Variants in TMEM229B observed in about 807,000 individuals in gnomAD.
TMEM229B encodes the protein transmembrane protein 229B.
A neutral mutation model predicts 13.7 loss-of-function variants in TMEM229B; 6 were observed. The observed-to-expected ratio is 0.44, with a 90% CI of 0.24 to 0.86. The LOEUF is 0.86. Among genes scored for constraint, TMEM229B ranks in the 40% least tolerant of loss-of-function variants. The probability of loss-of-function intolerance (pLI) is 0.23; values close to 1 mark genes in which losing one functional copy is unlikely to be tolerated. For missense variants in TMEM229B, 170 were observed against 236.0 expected (o/e 0.72, Z 1.83); for synonymous variants, 107 against 102.1 (o/e 1.05, Z -0.29).
chr14:67,519,550 C>G (rs970524977), upstream of TMEM229B, among the ~76,000 whole-genome samples: 5 of 152,094 alleles, frequency 3.3e-5, no homozygotes, highest in Non-Finnish European at 4.4e-5. Flanking sequence ...GGTGTAAGCC[C>G]TACTAGGTAC....
intron 1 of TMEM229B, among the ~76,000 whole-genome samples, chr14:67,526,048 A>G (rs1190949257): frequency 6.6e-6 from 1 of 152,108 alleles, no homozygotes; most frequent in Non-Finnish European, 1.5e-5. Flanking sequence ...TATATATGAG[A>G]CCTGTCTGTC....
At chr14:67,478,904 GGTAAGAGAAA>G (rs2031398248) in intron 2 of TMEM229B, among the ~76,000 whole-genome samples, 1 of 151,992 alleles carries the variant, frequency 6.6e-6, no homozygotes, top group Non-Finnish European at 1.5e-5. Context: ...TTAAGATAGT[GGTAAGAGAAA>G]AAAGCAGGAT....
upstream of TMEM229B, among the ~76,000 whole-genome samples, chr14:67,518,270 G>A (rs1370868552): frequency 2.0e-5 from 3 of 152,180 alleles, no homozygotes; most frequent in African/African-American, 7.2e-5. Context: ...AAGCAAACTT[G>A]GTTTTGAGTT....
At chr14:67,496,416 TTTTTTG>T (rs1280597846) in intron 1 of TMEM229B, among the ~76,000 whole-genome samples, 1 of 138,288 alleles carries the variant, frequency 7.2e-6, no homozygotes, top group East Asian at 2.2e-4. Context: ...TTTTTTTTTT[TTTTTTG>T]AGACAGGGTC....
At chr14:67,508,026 T>C (rs1388816095) in intron 1 of TMEM229B, among the ~76,000 whole-genome samples, 2 of 151,782 alleles carry the variant, frequency 1.3e-5, no homozygotes, top group Non-Finnish European at 2.9e-5. Flanking sequence ...TAATCCCAGC[T>C]ACTCGGGAGG....
chr14:67,505,722 T>G (rs144003121), intron 1 of TMEM229B, among the ~76,000 whole-genome samples: 2,117 of 152,082 alleles, frequency 0.014, 62 homozygotes, highest in African/African-American at 0.049. Context: ...TTTTTTTTTT[T>G]TTTAAACAGA....
intron 2 of TMEM229B, among the ~76,000 whole-genome samples, chr14:67,485,418 T>C (rs2140116339): frequency 6.6e-6 from 1 of 152,310 alleles, no homozygotes; most frequent in Middle Eastern, 3.4e-3. Context: ...TTATAAACTG[T>C]CAACTAGGAG....
intron 2 of TMEM229B, among the ~76,000 whole-genome samples, chr14:67,474,270 A>C (rs903124300): frequency 7.1e-6 from 1 of 140,038 alleles, no homozygotes; most frequent in African/African-American, 2.8e-5. Context: ...CAAAACAAAA[A>C]AAAAACAGAG....
chr14:67,527,058 T>A (rs1263609607), intron 1 of TMEM229B, among the ~76,000 whole-genome samples: 1 of 152,220 alleles, frequency 6.6e-6, no homozygotes, highest in Non-Finnish European at 1.5e-5. Context: ...GTTTCACTTA[T>A]TTCCTTTTCT....
At chr14:67,477,363 T>A (rs1008201687) in intron 2 of TMEM229B, among the ~76,000 whole-genome samples, 3 of 152,166 alleles carry the variant, frequency 2.0e-5, no homozygotes, top group African/African-American at 7.2e-5. Flanking sequence ...GCCTTTCTCC[T>A]CTCACTTCCA....
At chr14:67,524,551 C>T (rs1252784863) in intron 1 of TMEM229B, among the ~76,000 whole-genome samples, 1 of 152,076 alleles carries the variant, frequency 6.6e-6, no homozygotes, top group African/African-American at 2.4e-5. Flanking sequence ...ACCAATGGAC[C>T]ACACCCAGCT....
upstream of TMEM229B, among the ~76,000 whole-genome samples, chr14:67,490,378 G>T (rs768511150): frequency 6.6e-6 from 1 of 152,206 alleles, no homozygotes; most frequent in African/African-American, 2.4e-5. Context: ...CCAACATCAC[G>T]CAAGGAAGAC....
chr14:67,513,438 C>T (rs2033093809), intron 1 of TMEM229B, among the ~76,000 whole-genome samples: 1 of 152,200 alleles, frequency 6.6e-6, no homozygotes, highest in Non-Finnish European at 1.5e-5. Context: ...TCCTGCTACT[C>T]CTTATTGGTC....
intron 2 of TMEM229B, among the ~76,000 whole-genome samples, chr14:67,486,330 A>G (rs983074779): frequency 2.6e-5 from 4 of 152,234 alleles, no homozygotes; most frequent in African/African-American, 9.6e-5. Context: ...GCTGGGGTGC[A>G]ATGGCACGAT....
At chr14:67,497,220 G>A (rs982836863) in intron 1 of TMEM229B, among the ~76,000 whole-genome samples, 1 of 152,124 alleles carries the variant, frequency 6.6e-6, no homozygotes, top group Non-Finnish European at 1.5e-5. Context: ...GGTTGTCTGG[G>A]GTCACGGGAG....
intron 1 of TMEM229B, among the ~76,000 whole-genome samples, chr14:67,500,600 C>G (rs2032567403): frequency 7.1e-6 from 1 of 140,696 alleles, no homozygotes; most frequent in South Asian, 2.2e-4. Flanking sequence ...GAGATGGAGT[C>G]TCGCTCTGTC....
intron 1 of TMEM229B, among the ~76,000 whole-genome samples, chr14:67,513,236 G>A (rs376989730): frequency 5.3e-5 from 8 of 152,136 alleles, no homozygotes; most frequent in African/African-American, 1.7e-4. Flanking sequence ...CCTCAGCTCC[G>A]AATAAATAGC....
chr14:67,476,087 C>T (rs1421225249), intron 2 of TMEM229B, among the ~76,000 whole-genome samples: 2 of 152,196 alleles, frequency 1.3e-5, no homozygotes, highest in Admixed American at 6.5e-5. Flanking sequence ...CTGCTAATGG[C>T]TTCACATCTC....
chr14:67,484,172 C>T (rs2031745601), intron 2 of TMEM229B, among the ~76,000 whole-genome samples: 1 of 152,162 alleles, frequency 6.6e-6, no homozygotes, highest in Admixed American at 6.5e-5. Context: ...TGATATGTTG[C>T]TACTTATTTA....
Sources: gnomAD v4.1 joint callset for allele counts (sites outside exome capture counted in the v4.1 genomes callset) on GRCh38, gnomAD v4.1.1 for gene constraint, MANE v1.5 for transcripts, NCBI Gene and HGNC (gene_info 2026-07-23, HGNC 2026-07-21) for gene names.